TENM4: variants seen among roughly 807,000 people sequenced by gnomAD.
TENM4 encodes the protein teneurin transmembrane protein 4.
TENM4 carries 82 observed loss-of-function variants against 243.3 expected under a neutral mutation model. The observed-to-expected ratio is 0.34, with a 90% CI of 0.28 to 0.40. The LOEUF is 0.40. Ranked by LOEUF, TENM4 falls within the 10% of genes least tolerant of loss-of-function variation. The pLI is 1.00. For synonymous variants in TENM4, 1,412 were observed against 1,456.3 expected (o/e 0.97, Z 0.69); for missense variants, 3,138 against 3,673.3 (o/e 0.85, Z 3.77).
At chr11:79,120,676 C>T (rs527515207) in intron 4 of TENM4, among the ~76,000 whole-genome samples, 32 of 152,236 alleles carry the variant, frequency 2.1e-4, no homozygotes, top group African/African-American at 7.2e-4. Context: ...ATTTTCCCAA[C>T]AATAAAAGTG....
chr11:78,955,371 C>T (rs1397064063), intron 6 of TENM4, among the ~76,000 whole-genome samples: 3 of 152,308 alleles, frequency 2.0e-5, no homozygotes, highest in Non-Finnish European at 2.9e-5. Flanking sequence ...GCCTCTTCAA[C>T]GGTCTGGGCC....
At chr11:79,119,531 G>A (rs1861695680) in intron 4 of TENM4, among the ~76,000 whole-genome samples, 2 of 152,176 alleles carry the variant, frequency 1.3e-5, no homozygotes, top group South Asian at 2.1e-4. Context: ...CTTTCAAAGG[G>A]GGACACATTT....
At chr11:79,170,006 T>A (rs1863004421) in intron 3 of TENM4, among the ~76,000 whole-genome samples, 1 of 152,212 alleles carries the variant, frequency 6.6e-6, no homozygotes, top group East Asian at 1.9e-4. Flanking sequence ...CCTGGGCATC[T>A]TTGCCCCTAA....
intron 4 of TENM4, among the ~76,000 whole-genome samples, chr11:79,135,160 T>A (rs1444025171): frequency 6.6e-6 from 1 of 151,526 alleles, no homozygotes; most frequent in African/African-American, 2.4e-5. Flanking sequence ...AAAAAACAAA[T>A]AATCCTATCA....
chr11:78,773,508 C>T (rs1374757780), intron 17 of TENM4, among the ~76,000 whole-genome samples: 20 of 152,028 alleles, frequency 1.3e-4, no homozygotes, highest in Non-Finnish European at 1.5e-5. Flanking sequence ...TACCCACAAC[C>T]TCAGGTGGGG....
intron 4 of TENM4, among the ~76,000 whole-genome samples, chr11:79,135,655 T>C (rs546920627): frequency 2.1e-5 from 3 of 141,252 alleles, no homozygotes; most frequent in South Asian, 2.1e-4. Context: ...ATATCATATA[T>C]ATACACACAC....
At chr11:78,814,616 A>G (rs1277094368) in intron 12 of TENM4, among the ~76,000 whole-genome samples, 1 of 152,214 alleles carries the variant, frequency 6.6e-6, no homozygotes, top group Admixed American at 6.5e-5. Flanking sequence ...GTCTGCCTGA[A>G]CCAAATTTTT....
chr11:79,090,612 C>T (rs990072428), intron 4 of TENM4, among the ~76,000 whole-genome samples: 1 of 152,222 alleles, frequency 6.6e-6, no homozygotes, highest in Non-Finnish European at 1.5e-5. Context: ...GTTGTATAGT[C>T]AGTAAGTGCC....
Position 79,359,649 on chromosome 11 carries a change from C to T in TENM4, c.-320-62106G>A, listed in dbSNP as rs143993768. On this transcript the variant is annotated intron_variant, in intron 1 of 33. Transcript: ENST00000278550. ...CAAGTCTGCTGGGAAGTGCTGAGGT[C>T]GAAGGGGGGAGGGTGAGAATAGGGG... is the stretch of plus-strand genomic sequence containing the variant. Among the ~76,000 whole-genome samples, 983 of 151,852 alleles carry T rather than the reference C, an allele frequency of 6.5e-3. 8 individuals are homozygous for T. The highest frequency in any genetic ancestry group is 0.022 in the African/African-American group (930 of 41,402).
At chr11:79,281,722 C>A (rs1856160413) in intron 2 of TENM4, among the ~76,000 whole-genome samples, 1 of 152,164 alleles carries the variant, frequency 6.6e-6, no homozygotes, top group East Asian at 1.9e-4. Flanking sequence ...GCTACAATGG[C>A]CTTTGTCACC....
chr11:78,737,479 T>G (rs1464897862), intron 20 of TENM4, among the ~76,000 whole-genome samples: 1 of 152,202 alleles, frequency 6.6e-6, no homozygotes, highest in African/African-American at 2.4e-5. Flanking sequence ...GGCCGGGACA[T>G]GTTCACATCT....
intron 1 of TENM4, among the ~76,000 whole-genome samples, chr11:79,434,843 A>G (rs963928521): frequency 6.6e-6 from 1 of 152,172 alleles, no homozygotes; most frequent in African/African-American, 2.4e-5. Context: ...CTTTCTAGGA[A>G]TTCATCTTAA....
intron 3 of TENM4, among the ~76,000 whole-genome samples, chr11:79,154,868 C>T (rs1862572964): frequency 6.6e-6 from 1 of 152,180 alleles, no homozygotes; most frequent in Non-Finnish European, 1.5e-5. Context: ...CCGGGGTGTC[C>T]TCAGGGGGCC....
intron 1 of TENM4, among the ~76,000 whole-genome samples, chr11:79,317,281 G>A (rs1469412886): frequency 6.6e-6 from 1 of 152,188 alleles, no homozygotes; most frequent in African/African-American, 2.4e-5. Flanking sequence ...GCAGAATGAA[G>A]ACCAGCCTAT....
At chr11:79,126,111 G>C (rs1245960759) in intron 4 of TENM4, among the ~76,000 whole-genome samples, 1 of 152,154 alleles carries the variant, frequency 6.6e-6, no homozygotes, top group African/African-American at 2.4e-5. Context: ...TAGTTTATTT[G>C]CTTGGTTAGC....
intron 7 of TENM4, among the ~76,000 whole-genome samples, chr11:78,900,595 A>C (rs1037174696): frequency 2.0e-5 from 3 of 152,224 alleles, no homozygotes; most frequent in African/African-American, 7.2e-5. Context: ...AATGCTAGGC[A>C]CTGTGCTGTG....
intron 3 of TENM4, among the ~76,000 whole-genome samples, chr11:79,181,867 G>A (rs760082740): frequency 1.0e-4 from 15 of 150,348 alleles, no homozygotes; most frequent in East Asian, 2.0e-4. Flanking sequence ...CCACCCAAAT[G>A]AAATACTTAG....
At chr11:78,663,380 T>G (rs1449301325) in intron 32 of TENM4, among the ~76,000 whole-genome samples, 2 of 152,136 alleles carry the variant, frequency 1.3e-5, no homozygotes, top group Non-Finnish European at 2.9e-5. Context: ...ATGGTGAAAT[T>G]TGATCCCCAC....
At chr11:79,003,302 C>T (rs901833832) in intron 6 of TENM4, among the ~76,000 whole-genome samples, 4 of 151,960 alleles carry the variant, frequency 2.6e-5, no homozygotes, top group African/African-American at 9.7e-5. Context: ...ATGTAGACAA[C>T]CCTTGTGAGA....
Sources: allele counts gnomAD v4.1 joint callset (sites outside exome capture counted in the v4.1 genomes callset), GRCh38; gene constraint gnomAD v4.1.1; transcripts MANE v1.5; gene names NCBI Gene and HGNC (gene_info 2026-07-23, HGNC 2026-07-21).